The following IGF1 variants were observed in gnomAD, a reference collection of about 807,000 sequenced individuals.
IGF1 encodes insulin like growth factor 1.
In IGF1, 4 loss-of-function variants were observed where a neutral mutation model predicts 13.8. That is an observed-to-expected ratio of 0.29 (90% CI 0.14 to 0.66). The LOEUF (loss-of-function observed/expected upper bound fraction) is 0.66, where lower values mean the gene tolerates loss of function less well. Ranked by LOEUF, IGF1 falls within the 30% of genes least tolerant of loss-of-function variation. IGF1 has a pLI of 0.78. For missense variants in IGF1, 124 were observed against 188.5 expected (o/e 0.66, Z 2.00); for synonymous variants, 76 against 72.6 (o/e 1.05, Z -0.23).
rs1565973975 is a variant in IGF1, at chr12:102,424,648, T to A, written c.221-4958A>T. ...AGATATGAATAATCTTAAAGTAGTCTTCATTTTAGCATTTTAATTACTATT... is the reference window on the plus strand; with the variant it reads ...AGATATGAATAATCTTAAAGTAGTCATCATTTTAGCATTTTAATTACTATT... On this transcript the variant is annotated intron_variant, in intron 2 of 3. Transcript: ENST00000337514. 2.0e-5 allele frequency among the ~76,000 whole-genome samples: 3 copies of A among 152,160 alleles called. No individual in the cohort carries two copies. The South Asian group carries it at 6.2e-4, about 31-fold the overall frequency.
chr12:102,450,662 C>A (rs1878842472), intron 2 of IGF1, among the ~76,000 whole-genome samples: 1 of 152,238 alleles, frequency 6.6e-6, no homozygotes. Context: ...CTTTCAAACT[C>A]ATTTGGGAGA....
chr12:102,434,798 T>A (rs1032168628), intron 2 of IGF1, among the ~76,000 whole-genome samples: 1 of 151,330 alleles, frequency 6.6e-6, no homozygotes, highest in Non-Finnish European at 1.5e-5. Flanking sequence ...CCACATCCTC[T>A]CCAGCACCTG....
intron 2 of IGF1, among the ~76,000 whole-genome samples, chr12:102,432,572 A>C (rs1158542317): frequency 1.3e-5 from 2 of 152,220 alleles, no homozygotes; most frequent in African/African-American, 2.4e-5. Flanking sequence ...GGTGGAGCAC[A>C]GACAGGGATC....
At chr12:102,443,152 A>T (rs982216833) in intron 2 of IGF1, among the ~76,000 whole-genome samples, 3 of 152,122 alleles carry the variant, frequency 2.0e-5, no homozygotes, top group African/African-American at 7.2e-5. Flanking sequence ...ATTTCCCAAT[A>T]GCTATTTTCC....
At chr12:102,417,914 C>CCCCTCCTTCTGTT in intron 3 of IGF1, 1 of 1,613,936 alleles carries the variant, frequency 6.2e-7, no homozygotes, top group African/African-American at 1.3e-5. Context: ...TTGCTTCTGT[C>CCCCTCCTTCTGTT]CCCTCCTTCT....
At chr12:102,436,633 C>T (rs964376342) in intron 2 of IGF1, among the ~76,000 whole-genome samples, 4 of 152,022 alleles carry the variant, frequency 2.6e-5, no homozygotes, top group African/African-American at 9.7e-5. Flanking sequence ...GGGAATATAC[C>T]ACTGATGATT....
At position 102,399,884 on chromosome 12, in the gene IGF1, A is replaced by G. The variant is rs147985940; in HGVS notation, c.*2623T>C. 4.7e-4 allele frequency: 72 copies of G among 152,336 alleles called. No individual in the cohort carries two copies. The highest frequency in any genetic ancestry group is 1.7e-3 in the African/African-American group (69 of 41,588). 9.4% of individuals were successfully genotyped at this position (152,336 alleles called of 1,614,324 possible). A position where few individuals can be genotyped will look rare whatever the true frequency, so the allele number is the denominator to read the frequency against. ...GGGACAAGAAATAAAAAGAAGTGCC[A>G]TCTTGGGAAGAGGAGTCCAGTATCT... On this transcript the variant is annotated 3_prime_UTR_variant, in exon 4 of 4. Coordinates refer to ENST00000337514, the MANE Select transcript of IGF1 (RefSeq NM_000618.5).
chr12:102,448,773 A>G (rs1878616318), intron 2 of IGF1, among the ~76,000 whole-genome samples: 1 of 151,872 alleles, frequency 6.6e-6, no homozygotes, highest in African/African-American at 2.4e-5. Flanking sequence ...GAAGACGTAT[A>G]TGCAGCCATC....
chr12:102,453,276 G>A (rs1242169496), intron 2 of IGF1, among the ~76,000 whole-genome samples: 1 of 152,196 alleles, frequency 6.6e-6, no homozygotes. Flanking sequence ...TAGGTTTTCA[G>A]GAGTGGGAGA....
At chr12:102,423,990 A>G (rs953500062) in intron 2 of IGF1, among the ~76,000 whole-genome samples, 14 of 152,222 alleles carry the variant, frequency 9.2e-5, no homozygotes, top group African/African-American at 3.1e-4. Flanking sequence ...CAATGCATTC[A>G]GCTTTAATTT....
chr12:102,420,251 G>A (rs1044780809), intron 2 of IGF1, among the ~76,000 whole-genome samples: 2 of 152,158 alleles, frequency 1.3e-5, no homozygotes, highest in African/African-American at 4.8e-5. Context: ...GCAGTAAGTC[G>A]TGGAGTCAAG....
At chr12:102,451,928 C>G (rs76398596) in intron 2 of IGF1, among the ~76,000 whole-genome samples, 1 of 152,080 alleles carries the variant, frequency 6.6e-6, no homozygotes, top group African/African-American at 2.4e-5. Flanking sequence ...TTAGAAGGGG[C>G]TCTTCCCTCT....
rs1470470940 is a variant in IGF1 at position 102,398,733 on chromosome 12, A to G, written c.*3774T>C. Reference sequence around the variant, plus strand: ...CTAATGCTATTTTATTAAGCCATCTATCTATAGAATTGTTGTTTTTATACT... The same window carrying G: ...CTAATGCTATTTTATTAAGCCATCTGTCTATAGAATTGTTGTTTTTATACT... On this transcript the variant is annotated 3_prime_UTR_variant, in exon 4 of 4. Coordinates refer to ENST00000337514, the MANE Select transcript of IGF1 (RefSeq NM_000618.5). The G allele has an allele frequency of 6.6e-6, 1 of 152,134 alleles. No individual in the cohort carries two copies. Among genetic ancestry groups the G allele is most frequent in the African/African-American group, 2.4e-5 (1 of 41,428 alleles). The allele number at this position is 152,134 out of a possible 1,614,324, so 9.4% of individuals were successfully genotyped here.
chr12:102,461,217 C>A (rs1045859347), intron 2 of IGF1, among the ~76,000 whole-genome samples: 6 of 152,162 alleles, frequency 3.9e-5, no homozygotes, highest in African/African-American at 1.4e-4. Context: ...GACAATGTCC[C>A]TTTGAAGAAG....
At chr12:102,417,674 G>A (rs993525068) in intron 3 of IGF1, 8 of 1,451,114 alleles carry the variant, frequency 5.5e-6, no homozygotes, top group African/African-American at 4.4e-5. Context: ...TCTCTAAAAG[G>A]TTACTTCTAT....
chr12:102,409,691 C>G (rs1436491859), intron 3 of IGF1, among the ~76,000 whole-genome samples: 1 of 151,960 alleles, frequency 6.6e-6, no homozygotes, highest in Non-Finnish European at 1.5e-5. Context: ...TCTGCTTGAC[C>G]GCTTGTTAGC....
chr12:102,396,879 T>C lies in IGF1; in HGVS notation c.*5628A>G. On this transcript the variant is annotated 3_prime_UTR_variant, in exon 4 of 4. Transcript: ENST00000337514. ...TTGAAGAATGAGGAGAGAAGGATCA[T>C]GTTTAAGATCCATGTAATCATACAT... The C allele has an allele frequency of 1.3e-5, 5 of 398,296 alleles. No individual in the cohort carries two copies. The highest frequency in any genetic ancestry group is 2.2e-5 in the Non-Finnish European group (5 of 225,962). The allele number at this position is 398,296 out of a possible 1,614,324, so 24.7% of individuals were successfully genotyped here. A position where few individuals can be genotyped will look rare whatever the true frequency, so the allele number is the denominator to read the frequency against.
chr12:102,480,181 C>A (rs1359429075), intron 1 of IGF1, 138 bp downstream of exon 1: 26 of 803,916 alleles, frequency 3.2e-5, no homozygotes, highest in Non-Finnish European at 5.3e-5. Flanking sequence ...CACAGAATTG[C>A]ATATTCAGCA....
At chr12:102,454,335 C>T (rs1879205086) in intron 2 of IGF1, among the ~76,000 whole-genome samples, 1 of 152,220 alleles carries the variant, frequency 6.6e-6, no homozygotes, top group Non-Finnish European at 1.5e-5. Flanking sequence ...CTACTACCAA[C>T]CCTCCAGAGT....
Sources: gnomAD v4.1 joint callset for allele counts (sites outside exome capture counted in the v4.1 genomes callset) on GRCh38, gnomAD v4.1.1 for gene constraint, MANE v1.5 for transcripts, NCBI Gene and HGNC (gene_info 2026-07-23, HGNC 2026-07-21) for gene names.